The following TMPRSS11D variants were observed in gnomAD, a reference collection of about 807,000 sequenced individuals.
TMPRSS11D encodes transmembrane serine protease 11D.
Under a neutral mutation model 44.4 loss-of-function variants are expected in TMPRSS11D, and 32 were observed. The ratio of observed to expected loss-of-function variants is 0.72; its 90% CI spans 0.54 to 0.97. The LOEUF is 0.97. Among genes scored for constraint, TMPRSS11D ranks in the 50% least tolerant of loss-of-function variants. The pLI, the probability that TMPRSS11D is intolerant of heterozygous loss-of-function variation, is 0.00. For synonymous variants in TMPRSS11D, 179 were observed against 177.9 expected, an observed-to-expected ratio of 1.01 and a Z score of -0.05; for missense variants, 446 against 502.6, an observed-to-expected ratio of 0.89 and a Z score of 1.08.
Position 67,822,049 on chromosome 4 carries a change from A to G in TMPRSS11D, c.*288T>C, listed in dbSNP as rs78152931. 0.012 allele frequency: 3,226 copies of G among 277,886 alleles called. 27 individuals carry two copies. The highest frequency in any genetic ancestry group is 0.027 in the Middle Eastern group (23 of 838). The allele number at this position is 277,886 out of a possible 1,614,324, so 17.2% of individuals were successfully genotyped here. ...GCTCAAGGTTCCTGTTCTTCTCACT[A>G]CGGGCATTTAGCACAACTGTAATGA... On this transcript the variant is annotated 3_prime_UTR_variant, in exon 10 of 10. Transcript: ENST00000283916.
chr4:67,846,192 C>T (rs1365880442), intron 3 of TMPRSS11D, among the ~76,000 whole-genome samples: 2 of 152,040 alleles, frequency 1.3e-5, no homozygotes, highest in African/African-American at 4.8e-5. Context: ...TAATGGTCTC[C>T]AGACATTTCT....
In TMPRSS11D at chr4:67,821,536, T is replaced by C. The variant is rs1417750807; in HGVS notation, c.*801A>G. Reference sequence around the variant, plus strand: ...TTATTATTTTGTTGTTAAAAAGTACTATGTAGTTGTAAAGCACCTGACAAG... The same window carrying C: ...TTATTATTTTGTTGTTAAAAAGTACCATGTAGTTGTAAAGCACCTGACAAG... On this transcript the variant is annotated 3_prime_UTR_variant, in exon 10 of 10. Coordinates refer to ENST00000283916, the MANE Select transcript of TMPRSS11D (RefSeq NM_004262.3). 1 of 152,204 alleles carries C rather than the reference T, an allele frequency of 6.6e-6. No homozygotes were observed. The highest frequency in any genetic ancestry group is 1.9e-4 in the East Asian group (1 of 5,196). The allele number at this position is 152,204 out of a possible 1,614,324, so 9.4% of individuals were successfully genotyped here.
chr4:67,828,035 GGTGT>G lies in TMPRSS11D; in HGVS notation c.693-519_693-516del, dbSNP rs71641425. On this transcript the variant is annotated intron_variant, in intron 7 of 9. Coordinates refer to ENST00000283916, the MANE Select transcript of TMPRSS11D (RefSeq NM_004262.3). Reference sequence around the variant, plus strand: ...AAGTCTGATAATGGTTGAAGATTTTGGTGTGTGTGTGTGTGTGTGTGTGCATATA... The same window carrying G: ...AAGTCTGATAATGGTTGAAGATTTTGGTGTGTGTGTGTGTGTGTGCATATA... Among the ~76,000 whole-genome samples the G allele has an allele frequency of 3.3e-4, 45 of 137,654 alleles. No homozygotes were observed. In the East Asian group the frequency reaches 6.4e-3, roughly 20 times the overall value. 90.3% of individuals were successfully genotyped at this position (137,654 alleles called of 152,430 possible).
chr4:67,825,847 C>G lies in TMPRSS11D; in HGVS notation c.980G>C (p.Gly327Ala). Reference protein sequence around the residue: ...AGHTVPELRQGQVRIISNDVC... With the variant: ...AGHTVPELRQAQVRIISNDVC... ...ATCATTACTTATTATTCTGACCTGT[C>G]CTTGCCTTAGCTCTGGAACTGTGTG... The change falls in exon 9 of 10, where the codon GGA (glycine) becomes GCA (alanine). Residue 327 changes from glycine (G) to alanine (A), a missense_variant. Physicochemically the swap from Gly to Ala is moderately conservative, Grantham distance 60. Coordinates refer to ENST00000283916, the MANE Select transcript of TMPRSS11D (RefSeq NM_004262.3). The G allele has an allele frequency of 6.2e-7, 1 of 1,612,558 alleles. No homozygotes were observed. The highest frequency in any genetic ancestry group is 8.5e-7 in the Non-Finnish European group (1 of 1,179,096).
intron 1 of TMPRSS11D, among the ~76,000 whole-genome samples, chr4:67,879,485 A>AAAG (rs1719271262): frequency 6.6e-6 from 1 of 151,602 alleles, no homozygotes; most frequent in African/African-American, 2.4e-5. Flanking sequence ...AAAAAAAAAA[A>AAAG]AAAAGAAAAG....
chr4:67,847,175 A>G (rs1560542195), intron 3 of TMPRSS11D, among the ~76,000 whole-genome samples: 1 of 152,212 alleles, frequency 6.6e-6, no homozygotes, highest in Admixed American at 6.5e-5. Flanking sequence ...AAGTGCTGGG[A>G]TTACAGGCCT....
intron 1 of TMPRSS11D, among the ~76,000 whole-genome samples, chr4:67,874,125 A>G (rs554037468): frequency 2.0e-5 from 3 of 152,146 alleles, no homozygotes; most frequent in African/African-American, 7.2e-5. Context: ...CAGTACAGTA[A>G]CGTGCTATAC....
At chr4:67,841,124 T>C (rs1054215043) in intron 4 of TMPRSS11D, among the ~76,000 whole-genome samples, 1 of 152,040 alleles carries the variant, frequency 6.6e-6, no homozygotes, top group African/African-American at 2.4e-5. Flanking sequence ...GAATTATCCA[T>C]GTGATGGTAC....
At chr4:67,843,624 G>A (rs924413014) in intron 3 of TMPRSS11D, among the ~76,000 whole-genome samples, 1 of 152,122 alleles carries the variant, frequency 6.6e-6, no homozygotes, top group Admixed American at 6.5e-5. Context: ...ACTGTGCCTG[G>A]CTCAGTTAAT....
At chr4:67,833,167 T>G (rs769591340) in intron 7 of TMPRSS11D, 37 bp downstream of exon 7, 1 of 1,389,980 alleles carries the variant, frequency 7.2e-7, no homozygotes, top group Non-Finnish European at 9.4e-7. Context: ...CTGTCTATTC[T>G]AATTGTTCCC....
intron 3 of TMPRSS11D, among the ~76,000 whole-genome samples, chr4:67,843,105 T>C (rs1433345154): frequency 4.5e-4 from 4 of 8,938 alleles, no homozygotes; most frequent in Non-Finnish European, 3.5e-3. Flanking sequence ...AAGGGCAGTC[T>C]TTTTTTTTTT....
intron 2 of TMPRSS11D, among the ~76,000 whole-genome samples, chr4:67,858,496 A>T (rs1218810259): frequency 6.6e-6 from 1 of 152,158 alleles, no homozygotes; most frequent in African/African-American, 2.4e-5. Flanking sequence ...CATAACCTTT[A>T]CATTTGATTG....
chr4:67,855,364 C>T (rs1288365203), intron 2 of TMPRSS11D, among the ~76,000 whole-genome samples: 2 of 151,850 alleles, frequency 1.3e-5, no homozygotes, highest in African/African-American at 4.8e-5. Flanking sequence ...GATAATATAC[C>T]ACAATCAACT....
At chr4:67,827,151 G>C in intron 8 of TMPRSS11D, 110 bp downstream of exon 8, 2 of 1,408,372 alleles carry the variant, frequency 1.4e-6, no homozygotes, top group Non-Finnish European at 1.9e-6. Context: ...GAATGGTTCT[G>C]TCTGTAGAAG....
rs1469931113 is a variant in TMPRSS11D at position 67,872,931 on chromosome 4, C to T, written c.8+10995G>A. On this transcript the variant is annotated intron_variant, in intron 1 of 9. Transcript: ENST00000283916. Reference sequence around the variant, plus strand: ...GCTTAATTCTGGGATAATATTTCTCCTACTCACTTGCATTTTTGTTTTGTT... The same window carrying T: ...GCTTAATTCTGGGATAATATTTCTCTTACTCACTTGCATTTTTGTTTTGTT... 2.6e-5 allele frequency among the ~76,000 whole-genome samples: 4 copies of T among 152,198 alleles called. No homozygotes were observed. The East Asian group carries it at 5.8e-4, about 22-fold the overall frequency.
At chr4:67,846,376 T>G (rs1384064142) in intron 3 of TMPRSS11D, among the ~76,000 whole-genome samples, 3 of 152,102 alleles carry the variant, frequency 2.0e-5, no homozygotes, top group East Asian at 3.8e-4. Flanking sequence ...AGGTTTTTTT[T>G]GTAATGATAT....
Position 67,838,260 on chromosome 4 carries a change from T to C in TMPRSS11D, c.387A>G (p.Ala129=), listed in dbSNP as rs765411809. ...KFQFTRNNNG[A]SMKSRIESVL... ...CAGACTCAATTCTGCTTTTCATTGATGCTCCATTGTTATTTCTAGTGAATT... is the reference window on the plus strand; with the variant it reads ...CAGACTCAATTCTGCTTTTCATTGACGCTCCATTGTTATTTCTAGTGAATT... The change falls in exon 5 of 10, where the codon GCA becomes GCG. Residue 129 remains alanine, a synonymous_variant. Coordinates refer to ENST00000283916, the MANE Select transcript of TMPRSS11D (RefSeq NM_004262.3). The C allele has an allele frequency of 3.7e-6, 6 of 1,604,014 alleles. No homozygotes were observed. The highest frequency in any genetic ancestry group is 5.1e-6 in the Non-Finnish European group (6 of 1,176,014).
intron 1 of TMPRSS11D, among the ~76,000 whole-genome samples, chr4:67,875,815 G>A (rs1719177627): frequency 6.6e-6 from 1 of 152,190 alleles, no homozygotes; most frequent in Non-Finnish European, 1.5e-5. Flanking sequence ...TTGGCCCTAT[G>A]TCAGTGGTTG....
chr4:67,855,509 A>C (rs1718616071), intron 2 of TMPRSS11D, among the ~76,000 whole-genome samples: 1 of 152,108 alleles, frequency 6.6e-6, no homozygotes, highest in Admixed American at 6.6e-5. Flanking sequence ...ATCCCATCAT[A>C]ACAAGAACTC....
Sources: allele counts gnomAD v4.1 joint callset (sites outside exome capture counted in the v4.1 genomes callset), GRCh38; gene constraint gnomAD v4.1.1; transcripts MANE v1.5; gene names NCBI Gene and HGNC (gene_info 2026-07-23, HGNC 2026-07-21).